USP32: variants seen among roughly 807,000 people sequenced by gnomAD.
USP32 encodes ubiquitin specific peptidase 32.
USP32 carries 59 observed loss-of-function variants against 204.8 expected under a neutral mutation model. The observed-to-expected ratio is 0.29, with a 90% CI of 0.23 to 0.36. The LOEUF (loss-of-function observed/expected upper bound fraction) is 0.36. USP32 is among the 10% of genes least tolerant of loss of function. The pLI is 1.00. For missense variants in USP32, 1,160 were observed against 1,946.4 expected, an observed-to-expected ratio of 0.60 and a Z score of 7.60; for synonymous variants, 517 against 678.4, an observed-to-expected ratio of 0.76 and a Z score of 3.70.
intron 2 of USP32, among the ~76,000 whole-genome samples, chr17:60,313,494 C>T (rs1367941222): frequency 6.6e-6 from 1 of 151,696 alleles, no homozygotes. Flanking sequence ...AATAAAGGGC[C>T]CCTTGAAATT....
intron 12 of USP32, among the ~76,000 whole-genome samples, chr17:60,235,736 C>T (rs906154470): frequency 1.3e-5 from 2 of 152,304 alleles, no homozygotes; most frequent in South Asian, 2.1e-4. Flanking sequence ...GTCAGTCCTT[C>T]GGTTTGATCC....
chr17:60,338,766 A>G (rs1421804254), intron 2 of USP32, among the ~76,000 whole-genome samples: 1 of 152,152 alleles, frequency 6.6e-6, no homozygotes, highest in Non-Finnish European at 1.5e-5. Context: ...GAAAAAGACT[A>G]ATCTCAAGTA....
At chr17:60,323,796 G>A (rs2088167885) in intron 2 of USP32, among the ~76,000 whole-genome samples, 1 of 152,152 alleles carries the variant, frequency 6.6e-6, no homozygotes, top group Non-Finnish European at 1.5e-5. Flanking sequence ...TGGAAAAGTA[G>A]TTCAAGATAA....
intron 30 of USP32, among the ~76,000 whole-genome samples, chr17:60,184,164 A>C (rs2084187518): frequency 6.6e-6 from 1 of 151,784 alleles, no homozygotes; most frequent in South Asian, 2.1e-4. Flanking sequence ...ACACACAAAA[A>C]ATTAGCCAGG....
rs574772519 is a variant in USP32 at position 60,363,164 on chromosome 17, A to T, written c.59-17556T>A. On this transcript the variant is annotated intron_variant, in intron 1 of 33. Transcript: ENST00000300896. ...ATTAAATTTTTTAAATTAAAAAAAA[A>T]TTTTTTGAGGCCAGGCGCGGTGGCT... is the stretch of plus-strand genomic sequence containing the variant. 2.6e-4 allele frequency among the ~76,000 whole-genome samples: 39 copies of T among 151,576 alleles called. No individual in the cohort carries two copies. In the East Asian group the frequency reaches 3.1e-3, roughly 12 times the overall value.
rs2084421222 is a variant in USP32 at position 60,192,890 on chromosome 17, C to G, written c.3475G>C (p.Val1159Leu). The change falls in exon 28 of 34, where the codon GTT becomes CTT. Residue 1159 changes from valine to leucine, a missense_variant. Val to Leu is a conservative substitution (Grantham distance 32). Transcript: ENST00000300896. ...MGYQYPFTLR[V>L]VQKDGNSCAW... ...CAGGAGTTCCCATCTTTCTGCACAA[C>G]TCGTAGAGTGAATGGATATTGATAG... is the stretch of plus-strand genomic sequence containing the variant. 1.2e-6 allele frequency: 2 copies of G among 1,613,886 alleles called. No individual in the cohort carries two copies. Among genetic ancestry groups the G allele is most frequent in the East Asian group, 2.2e-5 (1 of 44,896 alleles).
intron 2 of USP32, among the ~76,000 whole-genome samples, chr17:60,336,730 A>AAAT (rs1555616095): frequency 2.0e-5 from 3 of 151,378 alleles, no homozygotes; most frequent in East Asian, 3.9e-4. Context: ...AAAAAAAAAA[A>AAAT]GAAAAAAAAG....
At chr17:60,392,665 T>G (rs754791389), upstream of USP32, 9 of 445,646 alleles carry the variant, frequency 2.0e-5, no homozygotes, top group Non-Finnish European at 3.2e-5. Context: ...GCTCCCAACC[T>G]TAGGGACGTC....
intron 2 of USP32, among the ~76,000 whole-genome samples, chr17:60,305,607 T>C (rs1251271242): frequency 6.6e-6 from 1 of 152,228 alleles, no homozygotes; most frequent in African/African-American, 2.4e-5. Flanking sequence ...ACATACATCA[T>C]TTTGGTGAAA....
intron 2 of USP32, among the ~76,000 whole-genome samples, chr17:60,344,037 A>C (rs977136208): frequency 5.3e-5 from 8 of 152,206 alleles, no homozygotes; most frequent in Non-Finnish European, 1.0e-4. Flanking sequence ...TCTGTCTCAA[A>C]GAAAAAAAGA....
intron 16 of USP32, among the ~76,000 whole-genome samples, chr17:60,217,049 A>G (rs1444050771): frequency 6.6e-6 from 1 of 152,228 alleles, no homozygotes; most frequent in East Asian, 1.9e-4. Context: ...TCAGAAGCAT[A>G]TAAGTATAGT....
At chr17:60,354,238 C>T (rs1021506977) in intron 1 of USP32, among the ~76,000 whole-genome samples, 1 of 152,018 alleles carries the variant, frequency 6.6e-6, no homozygotes, top group Admixed American at 6.6e-5. Flanking sequence ...TCTTATCTCT[C>T]CAAGTATATT....
At position 60,180,551 on chromosome 17, in the gene USP32, G is replaced by T; in HGVS notation, c.4635C>A (p.Ser1545Arg). Residue 1545 changes from serine to arginine, a missense_variant, in exon 33 of 34, where the codon AGC becomes AGA. This residue lies in a region of USP32 where 244 missense variants were observed against 342.3 expected (regional missense o/e 0.71). Coordinates refer to ENST00000300896, the MANE Select transcript of USP32 (RefSeq NM_032582.4). ...NCKWYCYNDS[S>R]CKELHPDEID... ...AAAGACTGAGAATGTTTACCTTACA[G>T]CTGCTGTCATTGTAACAGTACCACT... The T allele has an allele frequency of 6.2e-7, 1 of 1,613,644 alleles. No individual in the cohort carries two copies. Among genetic ancestry groups the T allele is most frequent in the Non-Finnish European group, 8.5e-7 (1 of 1,179,658 alleles).
chr17:60,306,526 T>G (rs1396971156), intron 2 of USP32, among the ~76,000 whole-genome samples: 1 of 151,792 alleles, frequency 6.6e-6, no homozygotes, highest in East Asian at 1.9e-4. Flanking sequence ...TAATCCCAGC[T>G]ACTTGAGAGG....
In USP32 at chr17:60,252,312, T is replaced by G. The variant is rs181436686; in HGVS notation, c.1136+69A>C. ...ATGATTACATTAAAATAGGACATGC[T>G]GTTCCTCAGTAACCAATATATTTCA... On this transcript the variant is annotated intron_variant, in intron 11 of 33. Transcript: ENST00000300896. The G allele has an allele frequency of 1.4e-4, 165 of 1,175,314 alleles. 1 individual carries two copies. In the East Asian group the frequency reaches 3.8e-3, roughly 27 times the overall value. 72.8% of individuals were successfully genotyped at this position (1,175,314 alleles called of 1,614,324 possible).
intron 2 of USP32, among the ~76,000 whole-genome samples, chr17:60,317,682 G>A (rs1431449585): frequency 2.0e-5 from 3 of 151,992 alleles, no homozygotes; most frequent in African/African-American, 7.3e-5. Context: ...TAGGTGTAGT[G>A]CCATGCACCC....
At chr17:60,392,429 G>C (rs1172223483), upstream of USP32, 1 of 241,158 alleles carries the variant, frequency 4.1e-6, no homozygotes, top group Non-Finnish European at 8.5e-6. Context: ...GCCCCGCCCG[G>C]GCGCCTCCGC....
At chr17:60,259,812 T>G (rs1203178845) in intron 9 of USP32, among the ~76,000 whole-genome samples, 1 of 152,238 alleles carries the variant, frequency 6.6e-6, no homozygotes, top group Non-Finnish European at 1.5e-5. Flanking sequence ...ATAATTATCT[T>G]GTTTTTATCA....
At chr17:60,264,588 G>A (rs2086538717) in intron 9 of USP32, among the ~76,000 whole-genome samples, 2 of 151,810 alleles carry the variant, frequency 1.3e-5, no homozygotes, top group African/African-American at 4.8e-5. Context: ...CAGGCGCAGT[G>A]GCTCACGCCT....
Sources: allele counts gnomAD v4.1 joint callset (sites outside exome capture counted in the v4.1 genomes callset), GRCh38; gene constraint gnomAD v4.1.1; regional missense constraint gnomAD v4.1.1; transcripts MANE v1.5; gene names NCBI Gene and HGNC (gene_info 2026-07-23, HGNC 2026-07-21).